ST3GAL2: variants seen among roughly 807,000 people sequenced by gnomAD.
ST3GAL2 encodes CMP-N-acetylneuraminate-beta-galactosamide-alpha-2,3-sialyltransferase 2.
In ST3GAL2, 16 loss-of-function variants were observed where a neutral mutation model predicts 37.5. That is an observed-to-expected ratio of 0.43 (90% confidence interval 0.29 to 0.65). The LOEUF (loss-of-function observed/expected upper bound fraction) is 0.65. Ranked by LOEUF, ST3GAL2 falls within the 30% of genes least tolerant of loss-of-function variation. ST3GAL2 has a pLI of 0.17. For missense variants in ST3GAL2, 383 were observed against 487.8 expected (o/e 0.79, Z 2.02); for synonymous variants, 238 against 202.9 (o/e 1.17, Z -1.47).
rs574432191 is a variant in ST3GAL2, at chr16:70,388,533, G to C, written c.547C>G (p.Pro183Ala). Reference sequence around the variant, plus strand: ...ACATCCTGCTCAAAGCCCACGGTTGGCGCCTGATTCATCCTGCAGGGACAA... The same window carrying C: ...ACATCCTGCTCAAAGCCCACGGTTGCCGCCTGATTCATCCTGCAGGGACAA... Reference protein sequence around the residue: ...HNFIMRMNQAPTVGFEQDVGS... With the variant: ...HNFIMRMNQAATVGFEQDVGS... The change falls in exon 4 of 7, where the codon CCA becomes GCA. Residue 183 changes from proline (P) to alanine (A), a missense_variant. Physicochemically the swap from Pro to Ala is conservative, Grantham distance 27 (BLOSUM62 -1). Coordinates refer to ENST00000342907, the MANE Select transcript of ST3GAL2 (RefSeq NM_006927.4). 166 of 1,595,116 alleles carry C rather than the reference G, an allele frequency of 1.0e-4. 2 individuals are homozygous for C. The highest frequency in any genetic ancestry group is 8.3e-4 in the South Asian group (74 of 88,818).
Position 70,382,547 on chromosome 16 carries a change from G to A in ST3GAL2, c.879+258C>T, listed in dbSNP as rs148535362. On this transcript the variant is annotated intron_variant, in intron 6 of 6. Coordinates refer to ENST00000342907, the MANE Select transcript of ST3GAL2 (RefSeq NM_006927.4). ...AATCCGCCCGCCTCAGCTTCCCAAAGTGCTGGGATTACAGGCGTCAGCCAC... is the reference window on the plus strand; with the variant it reads ...AATCCGCCCGCCTCAGCTTCCCAAAATGCTGGGATTACAGGCGTCAGCCAC... Among the ~76,000 whole-genome samples, 726 of 152,302 alleles carry A rather than the reference G, an allele frequency of 4.8e-3. 13 individuals are homozygous for A. Among genetic ancestry groups the A allele is most frequent in the African/African-American group, 0.016 (672 of 41,564 alleles).
intron 3 of ST3GAL2, among the ~76,000 whole-genome samples, chr16:70,389,503 C>T (rs1477564625): frequency 1.3e-5 from 2 of 152,100 alleles, no homozygotes; most frequent in African/African-American, 4.8e-5. Flanking sequence ...ATCGCCCTGT[C>T]GCCCAGGCTG....
Position 70,399,086 on chromosome 16 carries a change from C to T in ST3GAL2, c.-556G>A. The T allele has an allele frequency of 2.5e-6, 1 of 400,706 alleles. No homozygotes were observed. Among genetic ancestry groups the T allele is most frequent in the Middle Eastern group, 6.3e-4 (1 of 1,586 alleles). 24.8% of individuals were successfully genotyped at this position (400,706 alleles called of 1,614,324 possible). A position where few individuals can be genotyped will look rare whatever the true frequency, so the allele number is the denominator to read the frequency against. ...TGTCCCACCTCCTGGCCCAAAACCT[C>T]TGCCAGAGGAGGGGAGCCAGACCCC... On this transcript the variant is annotated 5_prime_UTR_variant, in exon 2 of 7. Coordinates refer to ENST00000342907, the MANE Select transcript of ST3GAL2 (RefSeq NM_006927.4).
Position 70,381,635 on chromosome 16 carries a change from G to A in ST3GAL2, c.*54C>T. The A allele has an allele frequency of 6.3e-7, 1 of 1,588,804 alleles. No individual in the cohort carries two copies. Among genetic ancestry groups the A allele is most frequent in the Non-Finnish European group, 8.6e-7 (1 of 1,167,864 alleles). ...GCGGGTTGCTGGTCCTGGGTCCCGG[G>A]CCGGAGCCCCGGTGCCCGATAGATG... On this transcript the variant is annotated 3_prime_UTR_variant, in exon 7 of 7. Transcript: ENST00000342907.
intron 4 of ST3GAL2, among the ~76,000 whole-genome samples, chr16:70,386,307 C>A (rs939057942): frequency 2.0e-5 from 3 of 152,168 alleles, no homozygotes; most frequent in African/African-American, 7.2e-5. Flanking sequence ...CCTGCCTCAG[C>A]CTCCCCAGTA....
intron 1 of ST3GAL2, among the ~76,000 whole-genome samples, chr16:70,404,882 A>C (rs1279024410): frequency 1.3e-5 from 2 of 152,074 alleles, no homozygotes; most frequent in African/African-American, 4.8e-5. Context: ...AAATACAAAA[A>C]TTAGCTGGGC....
In ST3GAL2 at chr16:70,377,511, A is replaced by T. The variant is rs1290960047; in HGVS notation, c.*4178T>A. ...AAAAAAAAAAAAGAGAAAAGCCTCC[A>T]TCGTGACAAAGGGGTTAAATAAGCA... On this transcript the variant is annotated 3_prime_UTR_variant, in exon 7 of 7. Coordinates refer to ENST00000342907, the MANE Select transcript of ST3GAL2 (RefSeq NM_006927.4). 1.3e-5 allele frequency: 2 copies of T among 150,262 alleles called. No individual in the cohort carries two copies. The highest frequency in any genetic ancestry group is 2.5e-5 in the African/African-American group (1 of 40,674). 9.3% of individuals were successfully genotyped at this position (150,262 alleles called of 1,614,324 possible).
At chr16:70,415,378 C>CGGGCGGCACGGGGAAGGTCA (rs766440505) in intron 1 of ST3GAL2, among the ~76,000 whole-genome samples, 1 of 151,786 alleles carries the variant, frequency 6.6e-6, no homozygotes, top group African/African-American at 2.4e-5. Flanking sequence ...TACAGCCCTC[C>CGGGCGGCACGGGGAAGGTCA]GGGCGGCACG....
chr16:70,408,209 G>A lies in ST3GAL2; in HGVS notation c.-1003-8676C>T, dbSNP rs1000497394. Among the ~76,000 whole-genome samples the A allele has an allele frequency of 9.9e-5, 15 of 152,266 alleles. 1 individual carries two copies. The highest frequency in any genetic ancestry group is 2.0e-4 in the Admixed American group (3 of 15,300). ...GGAAGTGAAGATGCTTTAACGCCAT[G>A]CCAGGTCTGATGACTTCAAGCCCAG... On this transcript the variant is annotated intron_variant, in intron 1 of 6. Coordinates refer to ENST00000342907, the MANE Select transcript of ST3GAL2 (RefSeq NM_006927.4).
At chr16:70,387,474 A>C (rs568696526) in intron 4 of ST3GAL2, among the ~76,000 whole-genome samples, 12 of 151,442 alleles carry the variant, frequency 7.9e-5, no homozygotes, top group Middle Eastern at 3.4e-3. Context: ...AGAATCTCTT[A>C]AACTCGGGAG....
At chr16:70,401,608 T>C (rs143292110) in intron 1 of ST3GAL2, among the ~76,000 whole-genome samples, 1,671 of 152,306 alleles carry the variant, frequency 0.011, 25 homozygotes, top group African/African-American at 0.038. Context: ...CATTTCTACC[T>C]GTGCCCCTCA....
intron 1 of ST3GAL2, among the ~76,000 whole-genome samples, chr16:70,435,158 C>T (rs2047816514): frequency 6.6e-6 from 1 of 152,134 alleles, no homozygotes; most frequent in Non-Finnish European, 1.5e-5. Flanking sequence ...GGTTGTGGGG[C>T]CTTGCTTCAA....
At chr16:70,409,027 G>A (rs928528509) in intron 1 of ST3GAL2, among the ~76,000 whole-genome samples, 2 of 150,656 alleles carry the variant, frequency 1.3e-5, no homozygotes, top group African/African-American at 4.9e-5. Flanking sequence ...GGTCCCTTCA[G>A]ATCCACCACC....
chr16:70,401,715 A>G (rs992331101), intron 1 of ST3GAL2, among the ~76,000 whole-genome samples: 17 of 152,268 alleles, frequency 1.1e-4, no homozygotes, highest in Middle Eastern at 3.4e-3. Context: ...CGGAGGAGGC[A>G]GGCCCAATGG....
intron 4 of ST3GAL2, among the ~76,000 whole-genome samples, chr16:70,384,705 C>CAAAAAAAAAAA (rs34907504): frequency 4.3e-5 from 3 of 69,108 alleles, no homozygotes; most frequent in Admixed American, 1.6e-4. Flanking sequence ...AACTCTGTCT[C>CAAAAAAAAAAA]AAAAAAAAAA....
intron 1 of ST3GAL2, among the ~76,000 whole-genome samples, chr16:70,407,758 A>G (rs191323298): frequency 2.2e-3 from 338 of 152,328 alleles, no homozygotes; most frequent in Non-Finnish European, 2.8e-3. Flanking sequence ...CCCCAAAACG[A>G]GAACAGCAGG....
chr16:70,396,131 CCTA>C (rs1466343631), intron 2 of ST3GAL2, among the ~76,000 whole-genome samples: 1 of 151,780 alleles, frequency 6.6e-6, no homozygotes, highest in Non-Finnish European at 1.5e-5. Context: ...TTCACCATAC[CCTA>C]CTAATTTTGT....
intron 1 of ST3GAL2, among the ~76,000 whole-genome samples, chr16:70,417,310 C>T (rs898267102): frequency 2.0e-5 from 3 of 152,118 alleles, no homozygotes; most frequent in African/African-American, 7.2e-5. Context: ...CCCCACCTTC[C>T]CAGCCCCCAC....
intron 1 of ST3GAL2, among the ~76,000 whole-genome samples, chr16:70,401,994 CAAAAAAA>C (rs749422742): frequency 5.0e-5 from 3 of 60,200 alleles, no homozygotes; most frequent in Admixed American, 2.3e-4. Context: ...AACTCTGCCT[CAAAAAAA>C]AAAAAAAAAA....
Sources: gnomAD v4.1 joint callset for allele counts (sites outside exome capture counted in the v4.1 genomes callset) on GRCh38, gnomAD v4.1.1 for gene constraint, MANE v1.5 for transcripts, NCBI Gene and HGNC (gene_info 2026-07-23, HGNC 2026-07-21) for gene names.